Variants in NDUFAF6 observed in about 807,000 individuals in gnomAD.
NDUFAF6 encodes NADH dehydrogenase (ubiquinone) complex I, assembly factor 6.
In NDUFAF6, 45 loss-of-function variants were observed where a neutral mutation model predicts 40.8. The observed-to-expected ratio is 1.10, with a 90% CI of 0.87 to 1.42. The LOEUF (loss-of-function observed/expected upper bound fraction) is 1.42, where lower values mean the gene tolerates loss of function less well. Ranked by LOEUF, NDUFAF6 falls within the 40% of genes most tolerant of loss-of-function variation. The pLI is 0.00. For missense variants in NDUFAF6, 435 were observed against 418.5 expected (o/e 1.04, Z -0.34); for synonymous variants, 185 against 155.9 (o/e 1.19, Z -1.39).
At chr8:94,953,770 A>G (rs962045450), upstream of NDUFAF6, among the ~76,000 whole-genome samples, 1 of 151,872 alleles carries the variant, frequency 6.6e-6, no homozygotes, top group African/African-American at 2.4e-5. Context: ...CACACTGCCT[A>G]AATAATCTAC....
At chr8:94,929,575 CTT>C (rs1042051406) in intron 1 of NDUFAF6, 12 of 152,198 alleles carry the variant, frequency 7.9e-5, no homozygotes, top group African/African-American at 2.9e-4. Flanking sequence ...AAGCCTATCT[CTT>C]TTCCCATGGG....
intron 2 of NDUFAF6, among the ~76,000 whole-genome samples, chr8:94,986,876 A>G (rs1268318974): frequency 3.3e-5 from 5 of 152,318 alleles, no homozygotes; most frequent in African/African-American, 7.2e-5. Context: ...TGGCCACTGT[A>G]TATATTTAAA....
intron 6 of NDUFAF6, 129 bp from the exon 7 acceptor site, chr8:95,048,328 C>T (rs1044710666): frequency 6.9e-6 from 5 of 721,526 alleles, no homozygotes; most frequent in Non-Finnish European, 1.3e-5. Context: ...TTAAACTGTA[C>T]ATACTGTTCT....
At chr8:94,985,038 A>G (rs1246448917) in intron 2 of NDUFAF6, among the ~76,000 whole-genome samples, 3 of 152,026 alleles carry the variant, frequency 2.0e-5, no homozygotes, top group Non-Finnish European at 2.9e-5. Context: ...CTAGATACTC[A>G]TTTACCAGCC....
In NDUFAF6 at chr8:95,027,243, A is replaced by G. The variant is rs544293492; in HGVS notation, c.197+2038A>G. Among the ~76,000 whole-genome samples, 7 of 152,132 alleles carry G rather than the reference A, an allele frequency of 4.6e-5. No homozygotes were observed. The East Asian group carries it at 9.7e-4, about 21-fold the overall frequency. On this transcript the variant is annotated intron_variant, in intron 1 of 8. Coordinates refer to ENST00000396124, the MANE Select transcript of NDUFAF6 (RefSeq NM_152416.4). ...GAATTTTGCAGGCAGACCTGATTTG[A>G]GAGTATTAATCCCAGCTCTATCACT...
chr8:95,047,530 G>A (rs1231969369), intron 6 of NDUFAF6, among the ~76,000 whole-genome samples: 3 of 120,166 alleles, frequency 2.5e-5, no homozygotes, highest in Non-Finnish European at 5.1e-5. Flanking sequence ...TTTTTTTTGA[G>A]ACAAAGTCTT....
intron 9 of NDUFAF6, among the ~76,000 whole-genome samples, chr8:95,066,236 C>T (rs1832699261): frequency 6.6e-6 from 1 of 151,660 alleles, no homozygotes; most frequent in African/African-American, 2.4e-5. Flanking sequence ...CTCAGCCTCC[C>T]AAGTAGCTGG....
Position 95,045,569 on chromosome 8 carries a change from T to C in NDUFAF6, c.502T>C (p.Tyr168His). The C allele has an allele frequency of 7.4e-6, 12 of 1,613,364 alleles. No individual in the cohort carries two copies. Among genetic ancestry groups the C allele is most frequent in the Non-Finnish European group, 1.0e-5 (12 of 1,179,544 alleles). The change falls in exon 5 of 9, where the codon TAT (tyrosine) becomes CAT (histidine). Residue 168 changes from tyrosine to histidine, a missense_variant. Transcript: ENST00000396124. ...EREKNLDDKA[Y>H]RNIKELENYA... The stretch of plus-strand genomic sequence containing the variant: ...GGAAAAAAATCTGGATGACAAAGCA[T>C]ATCGTAATATCAAGGAACTGGAAAA...
At chr8:95,008,080 A>G (rs552133063) in intron 2 of NDUFAF6, among the ~76,000 whole-genome samples, 2 of 152,204 alleles carry the variant, frequency 1.3e-5, no homozygotes, top group African/African-American at 2.4e-5. Flanking sequence ...CCACCAAAGT[A>G]TCTTTGTGTA....
intron 1 of NDUFAF6, among the ~76,000 whole-genome samples, chr8:94,971,645 A>G (rs1586849596): frequency 6.6e-6 from 1 of 152,284 alleles, no homozygotes; most frequent in East Asian, 1.9e-4. Flanking sequence ...CATATATTTA[A>G]AAAATTCTGG....
intron 5 of NDUFAF6, chr8:95,115,861 G>GGC: frequency 6.6e-6 from 1 of 152,348 alleles, no homozygotes; most frequent in East Asian, 1.9e-4. Context: ...ATGTCCGCCG[G>GGC]GCGCGGTGGC....
intron 1 of NDUFAF6, chr8:94,939,818 C>T: frequency 1.3e-6 from 2 of 1,577,080 alleles, no homozygotes; most frequent in Non-Finnish European, 1.7e-6. Context: ...AAAATGCATG[C>T]TCAGTGGACT....
chr8:94,902,995 C>A (rs1484049499), intron 1 of NDUFAF6, among the ~76,000 whole-genome samples: 1 of 152,080 alleles, frequency 6.6e-6, no homozygotes, highest in Non-Finnish European at 1.5e-5. Context: ...AGCCACTGTG[C>A]CCAGCCTGTA....
intron 2 of NDUFAF6, among the ~76,000 whole-genome samples, chr8:94,997,343 C>CACACACACAGAGAG (rs1242904810): frequency 5.2e-4 from 47 of 90,558 alleles, no homozygotes; most frequent in African/African-American, 1.7e-3. Flanking sequence ...CACACACACA[C>CACACACACAGAGAG]AGAGAGAGAG....
intron 9 of NDUFAF6, chr8:95,067,704 C>T (rs1832736289): frequency 6.6e-6 from 1 of 151,936 alleles, no homozygotes; most frequent in African/African-American, 2.4e-5. Context: ...GCTTCATTGT[C>T]ACTGGGCTAT....
chr8:95,101,382 T>C (rs1809641148), intron 2 of NDUFAF6, among the ~76,000 whole-genome samples: 1 of 152,180 alleles, frequency 6.6e-6, no homozygotes, highest in Non-Finnish European at 1.5e-5. Flanking sequence ...TCCCACCCAA[T>C]GCAATCACCT....
rs1245615544 is a variant in NDUFAF6, at chr8:94,935,163, A to AGATAGATAGATAGAT, written c.-935-10308_-935-10307insGATGATAGATAGATA. 1.2e-4 allele frequency among the ~76,000 whole-genome samples: 19 copies of AGATAGATAGATAGAT among 152,192 alleles called. No individual in the cohort carries two copies. In the East Asian group the frequency reaches 3.7e-3, roughly 29 times the overall value. On this transcript the variant is annotated intron_variant, in intron 1 of 14. Coordinates refer to the NDUFAF6 transcript ENST00000396113. ...TAGATAGATAGATAGATAGATAGAT[A>AGATAGATAGATAGAT]GATAGATAGATATAATACAATACTT... is the stretch of plus-strand genomic sequence containing the variant.
At chr8:95,114,035 T>C (rs10102994) in intron 4 of NDUFAF6, among the ~76,000 whole-genome samples, 115,935 of 138,550 alleles carry the variant, frequency 0.84, 49,099 homozygotes, top group East Asian at 1. Context: ...AGGGATAGCA[T>C]TGGGAGATAT....
downstream of NDUFAF6, among the ~76,000 whole-genome samples, chr8:95,117,268 C>T (rs948030638): frequency 1.3e-5 from 2 of 152,194 alleles, no homozygotes; most frequent in African/African-American, 4.8e-5. Flanking sequence ...AATACCAACA[C>T]TCTCTATTGA....
Sources: gnomAD v4.1 joint callset for allele counts (sites outside exome capture counted in the v4.1 genomes callset) on GRCh38, gnomAD v4.1.1 for gene constraint, MANE v1.5 for transcripts, NCBI Gene and HGNC (gene_info 2026-07-23, HGNC 2026-07-21) for gene names.